FMN1: variants seen among roughly 807,000 people sequenced by gnomAD.
The protein encoded by FMN1 is formin 1.
In FMN1, 110 loss-of-function variants were observed where a neutral mutation model predicts 132.4. That is an observed-to-expected ratio of 0.83 (90% confidence interval 0.71 to 0.97). FMN1 has a LOEUF of 0.97. Among genes scored for constraint, FMN1 ranks in the 50% least tolerant of loss-of-function variants. The probability of loss-of-function intolerance (pLI) is 0.00; values close to 1 mark genes in which losing one functional copy is unlikely to be tolerated. For missense variants in FMN1, 1,792 were observed against 1,705.3 expected, an observed-to-expected ratio of 1.05 and a Z score of -0.90; for synonymous variants, 722 against 651.7, an observed-to-expected ratio of 1.11 and a Z score of -1.64.
At chr15:32,890,340 G>A (rs751036317) in intron 15 of FMN1, among the ~76,000 whole-genome samples, 1 of 152,196 alleles carries the variant, frequency 6.6e-6, no homozygotes, top group Non-Finnish European at 1.5e-5. Context: ...TCTTTAAGGA[G>A]TCTCCACACT....
chr15:33,079,548 G>A (rs1293679865), intron 5 of FMN1, among the ~76,000 whole-genome samples: 3 of 152,216 alleles, frequency 2.0e-5, no homozygotes, highest in African/African-American at 7.2e-5. Context: ...ACTTGAACCT[G>A]GGAGGCAGAG....
intron 17 of FMN1, among the ~76,000 whole-genome samples, chr15:32,818,653 T>C (rs1448948324): frequency 6.6e-6 from 1 of 152,156 alleles, no homozygotes; most frequent in Non-Finnish European, 1.5e-5. Context: ...ACCTAATATA[T>C]ACTACTTATT....
At chr15:33,071,798 G>A (rs1037367593) in intron 5 of FMN1, among the ~76,000 whole-genome samples, 7 of 152,188 alleles carry the variant, frequency 4.6e-5, no homozygotes, top group Non-Finnish European at 1.0e-4. Flanking sequence ...GTTTCAGATT[G>A]TAATATTCAA....
intron 16 of FMN1, chr15:32,860,730 G>A (rs144125301): frequency 6.6e-6 from 1 of 152,330 alleles, no homozygotes; most frequent in Non-Finnish European, 1.5e-5. Context: ...GAGATGCAAT[G>A]TGACTTGCTT....
chr15:33,090,621 C>T (rs903384922), intron 4 of FMN1, among the ~76,000 whole-genome samples: 1 of 151,994 alleles, frequency 6.6e-6, no homozygotes, highest in African/African-American at 2.4e-5. Context: ...TCCTTCATCT[C>T]GGTCAGATCC....
intron 9 of FMN1, 107 bp downstream of exon 9, chr15:32,963,994 ATGTGTG>A (rs35298684): frequency 1.3e-5 from 6 of 473,660 alleles, no homozygotes; most frequent in African/African-American, 9.5e-5. Flanking sequence ...ATGTATAGGT[ATGTGTG>A]TGTGTGTATA....
intron 17 of FMN1, among the ~76,000 whole-genome samples, chr15:32,838,970 C>T (rs2058687736): frequency 6.6e-6 from 1 of 152,144 alleles, no homozygotes; most frequent in Admixed American, 6.5e-5. Flanking sequence ...CAGTCCAAGG[C>T]CCTGACACAG....
At chr15:32,914,557 G>C (rs1051936892) in intron 10 of FMN1, among the ~76,000 whole-genome samples, 1 of 152,184 alleles carries the variant, frequency 6.6e-6, no homozygotes, top group African/African-American at 2.4e-5. Context: ...ATACAGGAGA[G>C]AGCTGTTGAG....
chr15:33,066,758 T>C, intron 5 of FMN1: 1 of 1,613,944 alleles, frequency 6.2e-7, no homozygotes. Flanking sequence ...GCTCTCTTGG[T>C]CAGCATTGCA....
chr15:33,028,978 TC>T (rs2035808922), intron 6 of FMN1, among the ~76,000 whole-genome samples: 1 of 152,158 alleles, frequency 6.6e-6, no homozygotes, highest in Non-Finnish European at 1.5e-5. Flanking sequence ...GAACACAACT[TC>T]CTGGTTTCTG....
intron 6 of FMN1, among the ~76,000 whole-genome samples, chr15:33,033,348 A>G (rs568978513): frequency 2.6e-5 from 4 of 152,132 alleles, no homozygotes; most frequent in Non-Finnish European, 5.9e-5. Flanking sequence ...CTCTTAACTG[A>G]TAACTTTGCT....
chr15:32,822,477 T>C (rs572388778), intron 17 of FMN1, among the ~76,000 whole-genome samples: 3 of 152,356 alleles, frequency 2.0e-5, no homozygotes, highest in Non-Finnish European at 2.9e-5. Context: ...TTCTAGGTTC[T>C]GATATTTTTC....
chr15:32,927,189 G>A (rs532179433), intron 9 of FMN1, among the ~76,000 whole-genome samples: 13 of 152,238 alleles, frequency 8.5e-5, no homozygotes, highest in African/African-American at 2.6e-4. Flanking sequence ...GTTTCAGAGA[G>A]GTTACTTCCT....
chr15:33,115,623 C>A (rs2039895546), intron 4 of FMN1, among the ~76,000 whole-genome samples: 1 of 151,890 alleles, frequency 6.6e-6, no homozygotes, highest in South Asian at 2.1e-4. Flanking sequence ...ACACTGAGCA[C>A]CTGAAATCCA....
At chr15:32,878,342 G>C (rs2059685906) in intron 16 of FMN1, among the ~76,000 whole-genome samples, 1 of 152,222 alleles carries the variant, frequency 6.6e-6, no homozygotes, top group Non-Finnish European at 1.5e-5. Flanking sequence ...TTGATTCCAA[G>C]AGGAATGAAG....
At chr15:32,811,569 A>C (rs1334379421) in intron 17 of FMN1, among the ~76,000 whole-genome samples, 4 of 151,890 alleles carry the variant, frequency 2.6e-5, no homozygotes, top group Non-Finnish European at 5.9e-5. Flanking sequence ...AGGAGTCTTC[A>C]AATGGTCATC....
intron 17 of FMN1, among the ~76,000 whole-genome samples, chr15:32,821,638 G>A (rs943836470): frequency 2.6e-5 from 4 of 151,782 alleles, no homozygotes; most frequent in African/African-American, 9.7e-5. Flanking sequence ...TTTTAGTAGA[G>A]ATGGGGTTTC....
intron 5 of FMN1, among the ~76,000 whole-genome samples, chr15:33,077,788 ATTTAC>A (rs2038278211): frequency 8.7e-6 from 1 of 115,302 alleles, no homozygotes; most frequent in African/African-American, 2.8e-5. Flanking sequence ...ACTCAAACAA[ATTTAC>A]AAAAAAAAAA....
intron 4 of FMN1, among the ~76,000 whole-genome samples, chr15:33,103,948 G>A (rs1280146407): frequency 6.6e-6 from 1 of 151,854 alleles, no homozygotes; most frequent in Non-Finnish European, 1.5e-5. Flanking sequence ...AGAAAATACA[G>A]CTCCAATTTA....
Sources: gnomAD v4.1 joint callset for allele counts (sites outside exome capture counted in the v4.1 genomes callset) on GRCh38, gnomAD v4.1.1 for gene constraint, MANE v1.5 for transcripts, NCBI Gene and HGNC (gene_info 2026-07-23, HGNC 2026-07-21) for gene names.